Variants in COL24A1 observed in about 807,000 individuals in gnomAD.
COL24A1 encodes collagen type XXIV alpha 1 chain.
A neutral mutation model predicts 253.9 loss-of-function variants in COL24A1; 224 were observed. That is an observed-to-expected ratio of 0.88 (90% CI 0.79 to 0.99). The LOEUF is 0.99. Ranked by LOEUF, COL24A1 falls within the 50% of genes least tolerant of loss-of-function variation. The probability of loss-of-function intolerance (pLI) is 0.00; values close to 1 mark genes in which losing one functional copy is unlikely to be tolerated. For synonymous variants in COL24A1, 685 were observed against 673.7 expected (o/e 1.02, Z -0.26); for missense variants, 2,131 against 2,068.5 (o/e 1.03, Z -0.59).
intron 55 of COL24A1, among the ~76,000 whole-genome samples, chr1:85,756,966 T>C (rs2101054900): frequency 6.6e-6 from 1 of 152,190 alleles, no homozygotes; most frequent in South Asian, 2.1e-4. Flanking sequence ...AAAAGACAAA[T>C]ATTGTATGAC....
At chr1:85,736,633 G>A (rs1033388139) in intron 58 of COL24A1, 5 of 381,964 alleles carry the variant, frequency 1.3e-5, no homozygotes, top group African/African-American at 1.0e-4. Flanking sequence ...GGTTCAATAA[G>A]AAGCAGCTAA....
At chr1:85,973,404 C>T (rs1157843055) in intron 20 of COL24A1, among the ~76,000 whole-genome samples, 2 of 151,762 alleles carry the variant, frequency 1.3e-5, no homozygotes, top group African/African-American at 2.4e-5. Context: ...GAGGTATATG[C>T]AAAGTATAAA....
At chr1:86,142,338 A>C (rs1324754981) in intron 2 of COL24A1, among the ~76,000 whole-genome samples, 1 of 152,012 alleles carries the variant, frequency 6.6e-6, no homozygotes, top group Non-Finnish European at 1.5e-5. Flanking sequence ...CCTGGCTAAC[A>C]CGGTGAAACC....
Position 85,864,557 on chromosome 1 carries a change from T to C in COL24A1, c.3300+3962A>G, listed in dbSNP as rs141885808. ...AAAGTATATATATAAAAAATAGACA[T>C]TATAAACATTTGCTATTAAAAAAAG... On this transcript the variant is annotated intron_variant, in intron 37 of 59. Transcript: ENST00000370571. 4.9e-3 allele frequency among the ~76,000 whole-genome samples: 739 copies of C among 152,216 alleles called. 11 individuals carry two copies. In the South Asian group the frequency reaches 0.052, roughly 11 times the overall value.
At chr1:86,123,659 C>A (rs1358474589) in intron 3 of COL24A1, among the ~76,000 whole-genome samples, 2 of 152,008 alleles carry the variant, frequency 1.3e-5, no homozygotes, top group African/African-American at 4.8e-5. Flanking sequence ...AAGTAAATGG[C>A]TTCCATAACT....
intron 52 of COL24A1, among the ~76,000 whole-genome samples, chr1:85,779,032 G>A (rs914258099): frequency 6.6e-6 from 1 of 151,892 alleles, no homozygotes; most frequent in African/African-American, 2.4e-5. Flanking sequence ...AAGAGATGGG[G>A]TCTCACTCTG....
chr1:85,983,826 C>A (rs1693469852), intron 20 of COL24A1, among the ~76,000 whole-genome samples: 1 of 151,840 alleles, frequency 6.6e-6, no homozygotes, highest in Non-Finnish European at 1.5e-5. Context: ...AAAACCAGAT[C>A]CTTCTCAATC....
intron 47 of COL24A1, among the ~76,000 whole-genome samples, chr1:85,787,181 G>A (rs1283027346): frequency 6.6e-6 from 1 of 151,796 alleles, no homozygotes; most frequent in African/African-American, 2.4e-5. Context: ...GCAGAGCTGA[G>A]TAGTTATGGC....
At chr1:85,946,323 A>G (rs1689321057) in intron 24 of COL24A1, among the ~76,000 whole-genome samples, 1 of 152,106 alleles carries the variant, frequency 6.6e-6, no homozygotes, top group Non-Finnish European at 1.5e-5. Context: ...ACTTCACACC[A>G]TGTGCCTTTT....
chr1:85,871,134 CAAGACT>C (rs1246561620), intron 35 of COL24A1, among the ~76,000 whole-genome samples: 2 of 152,126 alleles, frequency 1.3e-5, no homozygotes, highest in East Asian at 3.9e-4. Context: ...CACACCCTCC[CAAGACT>C]AAGCCAGGAA....
rs1432557043 is a variant in COL24A1, at chr1:86,089,211, G to A, written c.1670C>T (p.Ser557Phe). ...VPGEKGDQGLSGLMGPPGMQG... is the reference protein window; with the variant it reads ...VPGEKGDQGLFGLMGPPGMQG... The stretch of plus-strand genomic sequence containing the variant: ...CATACCAGGGGGGCCCATTAATCCA[G>A]AAAGGCCTTGATCACCCTATAAACA... Residue 557 changes from serine (S) to phenylalanine (F), a missense_variant, in exon 7 of 60, where the codon TCT becomes TTT. Coordinates refer to ENST00000370571, the MANE Select transcript of COL24A1 (RefSeq NM_152890.7). 6.3e-7 allele frequency: 1 copy of A among 1,586,546 alleles called. No homozygotes were observed. Among genetic ancestry groups the A allele is most frequent in the Admixed American group, 2.0e-5 (1 of 51,004 alleles).
chr1:86,126,072 A>G lies in COL24A1; in HGVS notation c.264T>C (p.Ala88=). Residue 88 remains alanine, a synonymous_variant, in exon 3 of 60, where the codon GCT becomes GCC. Coordinates refer to ENST00000370571, the MANE Select transcript of COL24A1 (RefSeq NM_152890.7). ...TESGVIFKND[A]YIETPFVKIL... ...TTTTCACGAAAGGTGTCTCGATATA[A>G]GCATCATTTTTAAAAATGACTCCTG... is the stretch of plus-strand genomic sequence containing the variant. 2 of 1,613,588 alleles carry G rather than the reference A, an allele frequency of 1.2e-6. No homozygotes were observed. Among genetic ancestry groups the G allele is most frequent in the Non-Finnish European group, 1.7e-6 (2 of 1,179,762 alleles).
intron 32 of COL24A1, among the ~76,000 whole-genome samples, chr1:85,885,350 A>G (rs1682352232): frequency 6.7e-6 from 1 of 149,598 alleles, no homozygotes. Context: ...ACAGGCACCC[A>G]CCACCATGGC....
intron 55 of COL24A1, 133 bp from the exon 56 acceptor site, chr1:85,745,639 T>A (rs758681382): frequency 1.7e-6 from 1 of 577,940 alleles, no homozygotes. Context: ...CTGTAACTCT[T>A]ACGGTTAGAC....
chr1:86,060,766 G>A (rs1166495961), intron 8 of COL24A1, among the ~76,000 whole-genome samples: 1 of 152,062 alleles, frequency 6.6e-6, no homozygotes, highest in Non-Finnish European at 1.5e-5. Context: ...TGAAGAGAAT[G>A]TGAATAAACA....
intron 18 of COL24A1, among the ~76,000 whole-genome samples, chr1:86,021,333 G>A (rs895745072): frequency 6.6e-6 from 1 of 151,918 alleles, no homozygotes. Context: ...CCTTCACAGA[G>A]TTGTAATCAA....
intron 26 of COL24A1, 62 bp downstream of exon 26, chr1:85,909,888 T>C (rs1231504752): frequency 1.5e-6 from 2 of 1,364,546 alleles, no homozygotes. Context: ...ATTCCATCTC[T>C]GGAACGACTT....
At chr1:85,940,975 A>G (rs1227732067) in intron 24 of COL24A1, among the ~76,000 whole-genome samples, 4 of 152,190 alleles carry the variant, frequency 2.6e-5, no homozygotes, top group Admixed American at 1.3e-4. Context: ...GTAATAAATC[A>G]AAGGTGATAA....
chr1:85,733,174 T>C (rs1197117168), intron 59 of COL24A1, among the ~76,000 whole-genome samples: 2 of 152,184 alleles, frequency 1.3e-5, no homozygotes, highest in Non-Finnish European at 2.9e-5. Flanking sequence ...TAAAATGTTA[T>C]GAAAAAGTAG....
Sources: allele counts gnomAD v4.1 joint callset (sites outside exome capture counted in the v4.1 genomes callset), GRCh38; gene constraint gnomAD v4.1.1; transcripts MANE v1.5; gene names NCBI Gene and HGNC (gene_info 2026-07-23, HGNC 2026-07-21).